CYBA: variants seen among roughly 807,000 people sequenced by gnomAD.
CYBA encodes the protein cytochrome b-245 alpha chain.
Under a neutral mutation model 20.8 loss-of-function variants are expected in CYBA, and 21 were observed. The ratio of observed to expected loss-of-function variants is 1.01; its 90% CI spans 0.72 to 1.46. The LOEUF is 1.46. Among genes scored for constraint, CYBA ranks in the 40% most tolerant of loss-of-function variants. The pLI is 0.00. For synonymous variants in CYBA, 164 were observed against 127.5 expected (o/e 1.29, Z -1.93); for missense variants, 344 against 287.0 (o/e 1.20, Z -1.43).
rs1412799245 is a variant in CYBA at position 88,646,211 on chromosome 16, G to A, written c.288-14C>T. The A allele has an allele frequency of 7.1e-7, 1 of 1,403,652 alleles. No individual in the cohort carries two copies. Among genetic ancestry groups the A allele is most frequent in the Non-Finnish European group, 9.3e-7 (1 of 1,074,176 alleles). The allele number at this position is 1,403,652 out of a possible 1,614,324, so 86.9% of individuals were successfully genotyped here. A position where few individuals can be genotyped will look rare whatever the true frequency, so the allele number is the denominator to read the frequency against. On this transcript the variant is annotated splice_polypyrimidine_tract_variant and intron_variant, in intron 4 of 5. Transcript: ENST00000261623. ...GGCACCGAGAGCCTGGGGGACAGCG[G>A]GTGAGAGGCAGGGACACAGAAGGGC...
intron 3 of CYBA, 63 bp from the exon 4 acceptor site, chr16:88,646,901 G>A: frequency 7.0e-7 from 1 of 1,432,330 alleles, no homozygotes; most frequent in East Asian, 2.3e-5. Flanking sequence ...CTCCTTTGCT[G>A]CCCTGCTGAC....
In CYBA at chr16:88,646,900, T is replaced by C; in HGVS notation, c.204-62A>G. The C allele has an allele frequency of 3.5e-6, 5 of 1,436,498 alleles. No individual in the cohort carries two copies. In the South Asian group the frequency reaches 5.7e-5, roughly 16 times the overall value. 89.0% of individuals were successfully genotyped at this position (1,436,498 alleles called of 1,614,324 possible). On this transcript the variant is annotated intron_variant, in intron 3 of 5. Transcript: ENST00000261623. ...CCTCTCCCACTCGGGACTCCTTTGC[T>C]GCCCTGCTGACCACCCCAGGGCACC...
chr16:88,644,522 A>G (rs1031197746), intron 5 of CYBA, among the ~76,000 whole-genome samples: 13 of 152,230 alleles, frequency 8.5e-5, no homozygotes, highest in Non-Finnish European at 1.5e-4. Flanking sequence ...GACTTCCTGC[A>G]ACTTAAGAAA....
chr16:88,644,111 G>T lies in CYBA; in HGVS notation c.370-540C>A, dbSNP rs72558343. Among the ~76,000 whole-genome samples, 1,271 of 152,350 alleles carry T rather than the reference G, an allele frequency of 8.3e-3. 11 individuals are homozygous for T. The highest frequency in any genetic ancestry group is 0.027 in the Middle Eastern group (8 of 294). ...AATACAGACTCCTGGGCCCATGCCC[G>T]GAGGTTCCACTGCAACAGGTCAAGT... On this transcript the variant is annotated intron_variant, in intron 5 of 5. Coordinates refer to ENST00000261623, the MANE Select transcript of CYBA (RefSeq NM_000101.4).
At chr16:88,650,918 C>A (rs1401428752) in intron 1 of CYBA, 38 bp downstream of exon 1, 1 of 1,567,124 alleles carries the variant, frequency 6.4e-7, no homozygotes, top group East Asian at 2.4e-5. Flanking sequence ...GGACACCCCT[C>A]CAGGCTGCAG....
At position 88,643,466 on chromosome 16, in the gene CYBA, G is replaced by A. The variant is rs558222148; in HGVS notation, c.475C>T (p.Pro159Ser). ...GGCTTCTTGCGGGCCTCGGCCGGGG[G>A]CCGCGGCGGGGGGTTGCTGGGCGGC... Reference protein sequence around the residue: ...KQPPSNPPPRPPAEARKKPSE... With the variant: ...KQPPSNPPPRSPAEARKKPSE... Residue 159 changes from proline to serine, a missense_variant, in exon 6 of 6, where the codon CCC (proline) becomes TCC (serine). Transcript: ENST00000261623. The surrounding 1 kb of genome is among the most constrained non-coding windows in gnomAD (Gnocchi z 4.3). 4.8e-5 allele frequency: 74 copies of A among 1,532,188 alleles called. No individual in the cohort carries two copies. The South Asian group carries it at 8.1e-4, about 17-fold the overall frequency. The allele number at this position is 1,532,188 out of a possible 1,614,324, so 94.9% of individuals were successfully genotyped here.
Position 88,650,978 on chromosome 16 carries a change from T to G in CYBA, c.36A>C (p.Glu12Asp), listed in dbSNP as rs8053867. Residue 12 changes from glutamate to aspartate, a missense_variant, in exon 1 of 6, where the codon GAA (glutamate) becomes GAC (aspartate). Glu to Asp is a conservative substitution (Grantham distance 45, BLOSUM62 2). Coordinates refer to ENST00000261623, the MANE Select transcript of CYBA (RefSeq NM_000101.4). Reference protein sequence around the residue: ...GQIEWAMWANEQALASGLILI... With the variant: ...GQIEWAMWANDQALASGLILI... ...CACTCAGGCCGGACGCCAGCGCCTG[T>G]TCGTTGGCCCACATGGCCCACTCGA... The G allele has an allele frequency of 2.5e-6, 4 of 1,596,114 alleles. No individual in the cohort carries two copies. Among genetic ancestry groups the G allele is most frequent in the African/African-American group, 1.3e-5 (1 of 74,438 alleles).
At chr16:88,646,322 G>GTGCGGACCGGGGCTGCAAAGT in intron 4 of CYBA, 125 bp from the exon 5 acceptor site, 1 of 750,144 alleles carries the variant, frequency 1.3e-6, no homozygotes. Flanking sequence ...CAGGGGACGT[G>GTGCGGACCGGGGCTGCAAAGT]CGCGGACCGG....
intron 2 of CYBA, 95 bp downstream of exon 2, chr16:88,647,950 T>G: frequency 8.2e-7 from 1 of 1,214,044 alleles, no homozygotes; most frequent in Non-Finnish European, 1.2e-6. Flanking sequence ...CTGGCTGCGG[T>G]GGTGGGGAGC....
At position 88,643,757 on chromosome 16, in the gene CYBA, C is replaced by T. The variant is rs754679475; in HGVS notation, c.370-186G>A. On this transcript the variant is annotated intron_variant, in intron 5 of 5. Transcript: ENST00000261623. The surrounding 1 kb of genome is among the most constrained non-coding windows in gnomAD (Gnocchi z 4.3). ...GAGGCCACACAGCCAGGACCTGGGT[C>T]GGCCTGACACCAGCCCAAGCTATTT... Among the ~76,000 whole-genome samples the T allele has an allele frequency of 4.6e-5, 7 of 152,222 alleles. No homozygotes were observed. The highest frequency in any genetic ancestry group is 6.5e-5 in the Admixed American group (1 of 15,286).
At chr16:88,648,429 G>A (rs1036637407) in intron 1 of CYBA, among the ~76,000 whole-genome samples, 1 of 152,162 alleles carries the variant, frequency 6.6e-6, no homozygotes, top group Non-Finnish European at 1.5e-5. Flanking sequence ...TTGTCACCAT[G>A]AGTCTTTGTT....
rs1215193752 is a variant in CYBA, at chr16:88,646,103, G to A, written c.369+13C>T. Reference sequence around the variant, plus strand: ...GGGGGTGGCCGGGGCCGACCTCAGAGGGCGCCACTCACCAGTAGGTAGATG... The same window carrying A: ...GGGGGTGGCCGGGGCCGACCTCAGAAGGCGCCACTCACCAGTAGGTAGATG... On this transcript the variant is annotated intron_variant, in intron 5 of 5. Transcript: ENST00000261623. 1 of 1,547,258 alleles carries A rather than the reference G, an allele frequency of 6.5e-7. No individual in the cohort carries two copies. The highest frequency in any genetic ancestry group is 2.4e-5 in the East Asian group (1 of 41,082).
At position 88,646,819 on chromosome 16, in the gene CYBA, C is replaced by T. The variant is rs13306293; in HGVS notation, c.223G>A (p.Ala75Thr). 40 of 1,613,724 alleles carry T rather than the reference C, an allele frequency of 2.5e-5. No homozygotes were observed. The African/African-American group carries it at 2.5e-4, about 10-fold the overall frequency. The change falls in exon 4 of 6, where the codon GCC becomes ACC. Residue 75 changes from alanine (A) to threonine (T), a missense_variant. Transcript: ENST00000261623. Reference protein sequence around the residue: ...MERWGQKYMTAVVKLFGPFTR... With the variant: ...MERWGQKYMTTVVKLFGPFTR... ...AAGGGCCCGAACAGCTTCACCACGG[C>T]GGTCATGTACTTCTGTCCCCTGGGG... is the stretch of plus-strand genomic sequence containing the variant.
At chr16:88,645,924 T>G in intron 5 of CYBA, 192 bp downstream of exon 5, 1 of 609,370 alleles carries the variant, frequency 1.6e-6, no homozygotes, top group Non-Finnish European at 3.0e-6. Context: ...CCCGACACAC[T>G]AGACACGCCA....
rs751430224 is a variant in CYBA at position 88,643,551 on chromosome 16, C to A, written c.390G>T (p.Gln130His). Reference sequence around the variant, plus strand: ...GGGGCTTGGGCTCGATGGGCGTCCACTGCTCGCCACGCACAGCCGCCTGCG... The same window carrying A: ...GGGGCTTGGGCTCGATGGGCGTCCAATGCTCGCCACGCACAGCCGCCTGCG... The part of the protein sequence containing the change: ...IYLLAAVRGE[Q>H]WTPIEPKPRE... Residue 130 changes from glutamine (Q) to histidine (H), a missense_variant, in exon 6 of 6, where the codon CAG becomes CAT. By Grantham distance (24) the Gln-to-His change is conservative. Coordinates refer to ENST00000261623, the MANE Select transcript of CYBA (RefSeq NM_000101.4). The surrounding 1 kb of genome is among the most constrained non-coding windows in gnomAD (Gnocchi z 4.3). 28 of 1,534,250 alleles carry A rather than the reference C, an allele frequency of 1.8e-5. No homozygotes were observed. The East Asian group carries it at 6.8e-4, about 37-fold the overall frequency.
intron 5 of CYBA, 177 bp downstream of exon 5, chr16:88,645,939 T>TCGGG: frequency 3.3e-6 from 2 of 614,366 alleles, no homozygotes; most frequent in Non-Finnish European, 5.8e-6. Context: ...ACGCCAAAAA[T>TCGGG]GGCAGCAGCA....
chr16:88,647,505 C>T (rs1907333489), intron 2 of CYBA, among the ~76,000 whole-genome samples: 1 of 152,242 alleles, frequency 6.6e-6, no homozygotes, highest in Admixed American at 6.5e-5. Context: ...CACTGCACTG[C>T]AGCCTGGGGG....
Position 88,646,795 on chromosome 16 carries a change from A to T in CYBA, c.247T>A (p.Phe83Ile). The T allele has an allele frequency of 6.2e-7, 1 of 1,613,962 alleles. No individual in the cohort carries two copies. The highest frequency in any genetic ancestry group is 8.5e-7 in the Non-Finnish European group (1 of 1,179,952). Reference sequence around the variant, plus strand: ...GCCCGAACATAGTAATTCCTGGTAAAGGGCCCGAACAGCTTCACCACGGCG... The same window carrying T: ...GCCCGAACATAGTAATTCCTGGTAATGGGCCCGAACAGCTTCACCACGGCG... Reference protein sequence around the residue: ...MTAVVKLFGPFTRNYYVRAVL... With the variant: ...MTAVVKLFGPITRNYYVRAVL... The change falls in exon 4 of 6, where the codon TTT becomes ATT. Residue 83 changes from phenylalanine (F) to isoleucine (I), a missense_variant. Coordinates refer to ENST00000261623, the MANE Select transcript of CYBA (RefSeq NM_000101.4).
intron 1 of CYBA, 36 bp from the exon 2 acceptor site, chr16:88,648,150 C>T (rs1215506150): frequency 6.3e-7 from 1 of 1,589,676 alleles, no homozygotes; most frequent in Admixed American, 1.8e-5. Context: ...TGTGGGGCTC[C>T]CGTCCCGGGG....
Sources: allele counts gnomAD v4.1 joint callset (sites outside exome capture counted in the v4.1 genomes callset), GRCh38; gene constraint gnomAD v4.1.1; non-coding constraint Gnocchi (gnomAD v3.1); transcripts MANE v1.5; gene names NCBI Gene and HGNC (gene_info 2026-07-23, HGNC 2026-07-21).